The following INTU variants were observed in gnomAD, a reference collection of about 807,000 sequenced individuals.
The protein encoded by INTU is protein inturned.
A neutral mutation model predicts 100.5 loss-of-function variants in INTU; 68 were observed. The ratio of observed to expected loss-of-function variants is 0.68; its 90% CI spans 0.56 to 0.83. INTU has a LOEUF of 0.83. Among genes scored for constraint, INTU ranks in the 40% least tolerant of loss-of-function variants. The pLI, the probability that INTU is intolerant of heterozygous loss-of-function variation, is 0.00. For missense variants in INTU, 1,071 were observed against 1,114.7 expected (o/e 0.96, Z 0.56); for synonymous variants, 357 against 395.7 (o/e 0.90, Z 1.16).
chr4:127,657,786 G>T (rs998726202), intron 3 of INTU, among the ~76,000 whole-genome samples: 2 of 151,716 alleles, frequency 1.3e-5, no homozygotes, highest in Non-Finnish European at 2.9e-5. Context: ...CAGATTCAGG[G>T]TTCCCACTGA....
rs200544451 is a variant in INTU, at chr4:127,716,454, G to A, written c.*18G>A. ...CCTTGTAGCTGTGCTTTCTTGATGC[G>A]TAGAAACACGTGCATGGAGGATCAA... On this transcript the variant is annotated 3_prime_UTR_variant, in exon 16 of 16. Transcript: ENST00000335251. The A allele has an allele frequency of 8.5e-5, 100 of 1,183,002 alleles. No individual in the cohort carries two copies. The highest frequency in any genetic ancestry group is 8.0e-4 in the African/African-American group (53 of 65,884). 73.3% of individuals were successfully genotyped at this position (1,183,002 alleles called of 1,614,324 possible).
intron 8 of INTU, among the ~76,000 whole-genome samples, chr4:127,692,057 A>G (rs1379004683): frequency 2.0e-5 from 3 of 149,718 alleles, no homozygotes; most frequent in African/African-American, 7.4e-5. Flanking sequence ...TTGTGCTGCC[A>G]TAAACATGTG....
chr4:127,699,961 CTAATA>C (rs771527871), intron 8 of INTU, 44 bp from the exon 9 acceptor site: 4 of 1,410,752 alleles, frequency 2.8e-6, no homozygotes, highest in Admixed American at 4.8e-5. Flanking sequence ...AAAAAAGTAA[CTAATA>C]TGAGTCAAAT....
chr4:127,715,713 C>T (rs1356692320), intron 15 of INTU, among the ~76,000 whole-genome samples: 1 of 152,150 alleles, frequency 6.6e-6, no homozygotes, highest in Non-Finnish European at 1.5e-5. Flanking sequence ...GTGTTAACTA[C>T]GTTCATGACA....
chr4:127,687,527 C>T (rs1262472635), intron 7 of INTU, 151 bp from the exon 8 acceptor site: 1 of 597,978 alleles, frequency 1.7e-6, no homozygotes, highest in Non-Finnish European at 2.9e-6. Context: ...CACAATCCGT[C>T]AGTAACATTC....
intron 8 of INTU, among the ~76,000 whole-genome samples, chr4:127,695,205 G>A (rs995296399): frequency 6.6e-6 from 1 of 152,142 alleles, no homozygotes; most frequent in Non-Finnish European, 1.5e-5. Context: ...TATATACTTT[G>A]TTAAATTTAT....
intron 2 of INTU, among the ~76,000 whole-genome samples, chr4:127,654,231 T>C (rs982575992): frequency 1.6e-4 from 24 of 152,134 alleles, no homozygotes; most frequent in African/African-American, 4.6e-4. Context: ...CATTTAAAGT[T>C]AATATTGTTA....
chr4:127,638,340 AG>A (rs1727164377), intron 1 of INTU, among the ~76,000 whole-genome samples: 1 of 152,198 alleles, frequency 6.6e-6, no homozygotes, highest in Non-Finnish European at 1.5e-5. Flanking sequence ...AAAAGAAAAA[AG>A]TATACTATAA....
At chr4:127,642,104 G>A (rs1727360652) in intron 1 of INTU, among the ~76,000 whole-genome samples, 1 of 151,986 alleles carries the variant, frequency 6.6e-6, no homozygotes, top group African/African-American at 2.4e-5. Flanking sequence ...TAAAATTAAG[G>A]TAGCTTTGTT....
chr4:127,702,202 A>G (rs912441621), intron 9 of INTU, among the ~76,000 whole-genome samples: 1 of 152,064 alleles, frequency 6.6e-6, no homozygotes, highest in African/African-American at 2.4e-5. Flanking sequence ...TAAAAAAAAA[A>G]GAAAGAAAAC....
In INTU at chr4:127,655,811, C is replaced by A. The variant is rs58800835; in HGVS notation, c.683-825C>A. ...GCAAGCCTGGGCAATGGGGGGCGCC[C>A]CTCCCCCAGCCTCGCTGCCGCCTTG... On this transcript the variant is annotated intron_variant, in intron 2 of 15. Coordinates refer to ENST00000335251, the MANE Select transcript of INTU (RefSeq NM_015693.4). Among the ~76,000 whole-genome samples the A allele has an allele frequency of 8.5e-4, 130 of 152,340 alleles. 2 individuals carry two copies. The highest frequency in any genetic ancestry group is 2.9e-3 in the African/African-American group (119 of 41,570).
rs1327846098 is a variant in INTU, at chr4:127,708,569, AG to A, written c.2272del. On this transcript the variant is annotated splice_acceptor_variant, in intron 12 of 15. Coordinates refer to ENST00000335251, the MANE Select transcript of INTU (RefSeq NM_015693.4). LOFTEE classifies it high-confidence loss of function. Reference sequence around the variant, plus strand: ...ACTGATCTACTTAACTATATTTTTCAGGTCACTAAAAAGAAGTCTACTCTTC... The same window carrying A: ...ACTGATCTACTTAACTATATTTTTCAGTCACTAAAAAGAAGTCTACTCTTC... The A allele has an allele frequency of 6.6e-7, 1 of 1,508,312 alleles. No individual in the cohort carries two copies. The highest frequency in any genetic ancestry group is 1.8e-4 in the Middle Eastern group (1 of 5,482). The allele number at this position is 1,508,312 out of a possible 1,614,324, so 93.4% of individuals were successfully genotyped here.
intron 8 of INTU, among the ~76,000 whole-genome samples, chr4:127,688,265 G>T (rs1293928220): frequency 6.6e-6 from 1 of 151,360 alleles, no homozygotes; most frequent in Non-Finnish European, 1.5e-5. Context: ...AAAATACAAA[G>T]TCCACTAGTC....
At chr4:127,662,166 A>G (rs958029089) in intron 3 of INTU, among the ~76,000 whole-genome samples, 2 of 151,882 alleles carry the variant, frequency 1.3e-5, no homozygotes, top group Non-Finnish European at 2.9e-5. Flanking sequence ...TTCTTTAGAG[A>G]TTCTGAATAT....
At chr4:127,673,045 T>C (rs192498537) in intron 5 of INTU, among the ~76,000 whole-genome samples, 3 of 152,362 alleles carry the variant, frequency 2.0e-5, no homozygotes, top group Admixed American at 2.0e-4. Context: ...ACATTTTGGT[T>C]ACTTGTTTAT....
At chr4:127,700,804 C>T (rs1730615486) in intron 9 of INTU, among the ~76,000 whole-genome samples, 1 of 149,838 alleles carries the variant, frequency 6.7e-6, no homozygotes, top group Non-Finnish European at 1.5e-5. Context: ...TACTAGTCAA[C>T]TTTGGAGAAT....
chr4:127,687,578 T>C, intron 7 of INTU, 100 bp from the exon 8 acceptor site: 1 of 813,678 alleles, frequency 1.2e-6, no homozygotes, highest in South Asian at 1.9e-5. Flanking sequence ...GTGAGGAAGA[T>C]AGCCTATGTA....
chr4:127,642,583 G>T (rs995168766), intron 1 of INTU, among the ~76,000 whole-genome samples: 1 of 151,962 alleles, frequency 6.6e-6, no homozygotes, highest in African/African-American at 2.4e-5. Flanking sequence ...CTTTCAGGCC[G>T]GGATATTACA....
Position 127,723,866 on chromosome 4 carries a change from G to A in INTU, c.*7430G>A, listed in dbSNP as rs147373619. ...TCTCTTTTAACAGTCCCAGATACCT[G>A]GGAGGCTGAGGTGGGAAGATCACCT... On this transcript the variant is annotated 3_prime_UTR_variant, in exon 16 of 16. Coordinates refer to ENST00000335251, the MANE Select transcript of INTU (RefSeq NM_015693.4). 150 of 152,058 alleles carry A rather than the reference G, an allele frequency of 9.9e-4. 2 individuals are homozygous for A. Among genetic ancestry groups the A allele is most frequent in the African/African-American group, 3.4e-3 (139 of 41,462 alleles). 9.4% of individuals were successfully genotyped at this position (152,058 alleles called of 1,614,324 possible).
Sources: allele counts gnomAD v4.1 joint callset (sites outside exome capture counted in the v4.1 genomes callset), GRCh38; gene constraint gnomAD v4.1.1; transcripts MANE v1.5; gene names NCBI Gene and HGNC (gene_info 2026-07-23, HGNC 2026-07-21).